Variants in AHNAK2 observed in about 807,000 individuals in gnomAD.
AHNAK2 encodes AHNAK nucleoprotein 2, also known as protein AHNAK2.
In AHNAK2, 18 loss-of-function variants were observed where a neutral mutation model predicts 30.7. The ratio of observed to expected loss-of-function variants is 0.59; its 90% CI spans 0.41 to 0.87. The LOEUF (loss-of-function observed/expected upper bound fraction) is 0.87. AHNAK2 is among the 40% of genes least tolerant of loss of function. The pLI, the probability that AHNAK2 is intolerant of heterozygous loss-of-function variation, is 0.00. For synonymous variants in AHNAK2, 3,590 were observed against 3,073.8 expected, an observed-to-expected ratio of 1.17 and a Z score of -5.56; for missense variants, 8,604 against 7,373.0, an observed-to-expected ratio of 1.17 and a Z score of -6.11.
At chr14:104,963,178 AAAG>A (rs896431917) in intron 1 of AHNAK2, among the ~76,000 whole-genome samples, 3 of 152,252 alleles carry the variant, frequency 2.0e-5, no homozygotes, top group South Asian at 2.1e-4. Context: ...ACATTTCACA[AAAG>A]AAGATGTACG....
intron 1 of AHNAK2, among the ~76,000 whole-genome samples, chr14:104,967,264 G>A (rs1472309393): frequency 6.6e-6 from 1 of 152,126 alleles, no homozygotes; most frequent in East Asian, 1.9e-4. Context: ...TGGGGGTGGG[G>A]GGCAGCTGCT....
chr14:104,950,338 C>G lies in AHNAK2; in HGVS notation c.5113G>C (p.Asp1705His), dbSNP rs61428154. 0.01 allele frequency: 16,364 copies of G among 1,585,246 alleles called. 2,369 individuals carry two copies. In the East Asian group the frequency reaches 0.13, roughly 13 times the overall value. ...GCGGAAGGGGACTGAATGCTGAGGT[C>G]AGTGGTCTTCAGGTCCCCCTGCATG... The part of the protein sequence containing the change: ...PSMQGDLKTT[D>H]LSIQSPSADL... Residue 1705 changes from aspartate to histidine, a missense_variant, in exon 7 of 7, where the codon GAC becomes CAC. Coordinates refer to ENST00000333244, the MANE Select transcript of AHNAK2 (RefSeq NM_138420.4).
intron 1 of AHNAK2, among the ~76,000 whole-genome samples, chr14:104,974,304 C>T (rs568844951): frequency 6.6e-6 from 1 of 152,364 alleles, no homozygotes; most frequent in Non-Finnish European, 1.5e-5. Flanking sequence ...ACATCCCCCA[C>T]GGAGCAGCTT....
At position 104,952,911 on chromosome 14, in the gene AHNAK2, G is replaced by A. The variant is rs773401247; in HGVS notation, c.2540C>T (p.Ala847Val). The stretch of plus-strand genomic sequence containing the variant: ...CGAGTCCTCCATGGACTTGCCTGGG[G>A]CCGACACCCCGAATGATGGCATCTT... ...KFKMPSFGVS[A>V]PGKSMEDSVD... The change falls in exon 7 of 7, where the codon GCC becomes GTC. Residue 847 changes from alanine (A) to valine (V), a missense_variant. By Grantham distance (64) the Ala-to-Val change is moderately conservative. Coordinates refer to ENST00000333244, the MANE Select transcript of AHNAK2 (RefSeq NM_138420.4). 27 of 1,611,824 alleles carry A rather than the reference G, an allele frequency of 1.7e-5. No homozygotes were observed. In the South Asian group the frequency reaches 2.6e-4, roughly 16 times the overall value.
intron 1 of AHNAK2, among the ~76,000 whole-genome samples, chr14:104,973,458 C>T (rs1029743322): frequency 3.9e-5 from 6 of 152,186 alleles, no homozygotes; most frequent in South Asian, 2.1e-4. Context: ...GGGCGAGGAC[C>T]GAAGGCTGTG....
In AHNAK2 at chr14:104,951,796, C is replaced by G. The variant is rs765166700; in HGVS notation, c.3655G>C (p.Asp1219His). The change falls in exon 7 of 7, where the codon GAC becomes CAC. Residue 1219 changes from aspartate (D) to histidine (H), a missense_variant. Coordinates refer to ENST00000333244, the MANE Select transcript of AHNAK2 (RefSeq NM_138420.4). ...ACCTGGCCAGCGTGGACCTCCAGGTCAGCGGAAGGGGGCTGAATGCTGAGG... is the reference window on the plus strand; with the variant it reads ...ACCTGGCCAGCGTGGACCTCCAGGTGAGCGGAAGGGGGCTGAATGCTGAGG... ...TDLSIQPPSADLEVHAGQVDV... is the reference protein window; with the variant it reads ...TDLSIQPPSAHLEVHAGQVDV... 1 of 1,354,054 alleles carries G rather than the reference C, an allele frequency of 7.4e-7. No homozygotes were observed. Among genetic ancestry groups the G allele is most frequent in the Non-Finnish European group, 1.0e-6 (1 of 956,520 alleles). 83.9% of individuals were successfully genotyped at this position (1,354,054 alleles called of 1,614,324 possible).
Position 104,946,574 on chromosome 14 carries a change from C to T in AHNAK2, c.8877G>A (p.Arg2959=). ...CGGCCAGGGACAGGTCACCCTCCAGCCGTGCACCATCCAGCTTTGCTCTCG... is the reference window on the plus strand; with the variant it reads ...CGGCCAGGGACAGGTCACCCTCCAGTCGTGCACCATCCAGCTTTGCTCTCG... The part of the protein sequence containing the change: ...EAPRAKLDGA[R]LEGDLSLADK... The change falls in exon 7 of 7, where the codon CGG becomes CGA. Residue 2959 remains arginine, a synonymous_variant. Coordinates refer to ENST00000333244, the MANE Select transcript of AHNAK2 (RefSeq NM_138420.4). 6.2e-7 allele frequency: 1 copy of T among 1,613,118 alleles called. No individual in the cohort carries two copies.
chr14:104,946,590 T>C lies in AHNAK2; in HGVS notation c.8861A>G (p.Lys2954Arg). The stretch of plus-strand genomic sequence containing the variant: ...ACCCTCCAGCCGTGCACCATCCAGC[T>C]TTGCTCTCGGGGCCTCGACGTCCAC... ...VEVDVEAPRAKLDGARLEGDL... is the reference protein window; with the variant it reads ...VEVDVEAPRARLDGARLEGDL... The change falls in exon 7 of 7, where the codon AAG (lysine) becomes AGG (arginine). Residue 2954 changes from lysine to arginine, a missense_variant. Transcript: ENST00000333244. 6.2e-7 allele frequency: 1 copy of C among 1,612,932 alleles called. No individual in the cohort carries two copies. Among genetic ancestry groups the C allele is most frequent in the Non-Finnish European group, 8.5e-7 (1 of 1,179,692 alleles).
intron 1 of AHNAK2, among the ~76,000 whole-genome samples, chr14:104,959,593 C>G (rs1483503458): frequency 6.6e-6 from 1 of 152,122 alleles, no homozygotes; most frequent in African/African-American, 2.4e-5. Flanking sequence ...GCTGTGATTG[C>G]ACCACTTCAC....
At chr14:104,972,095 C>G (rs1324199614) in intron 1 of AHNAK2, among the ~76,000 whole-genome samples, 2 of 152,202 alleles carry the variant, frequency 1.3e-5, no homozygotes, top group South Asian at 2.1e-4. Context: ...AGGGAAGGCT[C>G]TGTCCCAGCC....
In AHNAK2 at chr14:104,943,729, T is replaced by A. The variant is rs1272383316; in HGVS notation, c.11722A>T (p.Ile3908Phe). The A allele has an allele frequency of 1.2e-6, 2 of 1,611,428 alleles. No homozygotes were observed. The highest frequency in any genetic ancestry group is 2.7e-5 in the African/African-American group (2 of 74,188). ...KVDLKGPEID[I>F]KGPKLDLKDP... ...TTTAGGTCCAGCTTGGGGCCCTTGA[T>A]GTCTATTTCAGGGCCCTTGAGGTCG... Residue 3908 changes from isoleucine to phenylalanine, a missense_variant, in exon 7 of 7, where the codon ATC (isoleucine) becomes TTC (phenylalanine). Physicochemically the swap from Ile to Phe is conservative, Grantham distance 21. Transcript: ENST00000333244.
At chr14:104,959,224 G>A (rs966147752) in intron 1 of AHNAK2, among the ~76,000 whole-genome samples, 1 of 152,154 alleles carries the variant, frequency 6.6e-6, no homozygotes, top group Non-Finnish European at 1.5e-5. Flanking sequence ...CCAGGATGAA[G>A]TGCAGTGGCA....
chr14:104,938,782 G>A lies in AHNAK2; in HGVS notation c.16669C>T (p.Pro5557Ser). ...GTEEAPIQATPGVDSISGDLQ... is the reference protein window; with the variant it reads ...GTEEAPIQATSGVDSISGDLQ... ...TCTCCAGAAATGGAGTCTACTCCTG[G>A]GGTGGCTTGTATGGGAGCCTCTTCT... Residue 5557 changes from proline (P) to serine (S), a missense_variant, in exon 7 of 7, where the codon CCA becomes TCA. Pro to Ser is a moderately conservative substitution (Grantham distance 74). Transcript: ENST00000333244. 6.2e-7 allele frequency: 1 copy of A among 1,613,936 alleles called. No homozygotes were observed. The highest frequency in any genetic ancestry group is 8.5e-7 in the Non-Finnish European group (1 of 1,179,894).
rs529616676 is a variant in AHNAK2, at chr14:104,951,797, A to C, written c.3654T>G (p.Ala1218=). ...CCTGGCCAGCGTGGACCTCCAGGTC[A>C]GCGGAAGGGGGCTGAATGCTGAGGT... ...TTDLSIQPPS[A]DLEVHAGQVD... Residue 1218 remains alanine (A), a synonymous_variant, in exon 7 of 7, where the codon GCT becomes GCG. Coordinates refer to ENST00000333244, the MANE Select transcript of AHNAK2 (RefSeq NM_138420.4). The C allele has an allele frequency of 7.5e-7, 1 of 1,324,568 alleles. No individual in the cohort carries two copies. The highest frequency in any genetic ancestry group is 2.4e-5 in the East Asian group (1 of 42,514). 82.1% of individuals were successfully genotyped at this position (1,324,568 alleles called of 1,614,324 possible). A position where few individuals can be genotyped will look rare whatever the true frequency, so the allele number is the denominator to read the frequency against.
At position 104,947,744 on chromosome 14, in the gene AHNAK2, C is replaced by T. The variant is rs1332674727; in HGVS notation, c.7707G>A (p.Val2569=). The T allele has an allele frequency of 6.2e-7, 1 of 1,612,592 alleles. No homozygotes were observed. Among genetic ancestry groups the T allele is most frequent in the Non-Finnish European group, 8.5e-7 (1 of 1,179,612 alleles). Residue 2569 remains valine, a synonymous_variant, in exon 7 of 7, where the codon GTG becomes GTA. Transcript: ENST00000333244. ...CAGGCATCTTGAAACTGGGCATCTGCACCTTGGGCAGGTGCCCTTTGAGGC... is the reference window on the plus strand; with the variant it reads ...CAGGCATCTTGAAACTGGGCATCTGTACCTTGGGCAGGTGCCCTTTGAGGC... ...GAGLKGHLPK[V]QMPSFKMPEM...
In AHNAK2 at chr14:104,954,298, G is replaced by T. The variant is rs1188646569; in HGVS notation, c.1153C>A (p.Arg385=). Reference sequence around the variant, plus strand: ...ATGCTCTGAGCAGGCATCACTTCTCGATCCTGTTCTGCCCTCTCCTCTCTC... The same window carrying T: ...ATGCTCTGAGCAGGCATCACTTCTCTATCCTGTTCTGCCCTCTCCTCTCTC... ...SRREERAEQD[R]EVMPAQSMPL... Residue 385 remains arginine (R), a synonymous_variant, in exon 7 of 7, where the codon CGA becomes AGA. Transcript: ENST00000333244. This position sits in a 1 kb window ranked among gnomAD's most constrained non-coding sequence, Gnocchi z 4.3. 3.7e-6 allele frequency: 6 copies of T among 1,613,474 alleles called. No individual in the cohort carries two copies. The highest frequency in any genetic ancestry group is 1.1e-5 in the South Asian group (1 of 91,078).
chr14:104,978,245 G>T lies in AHNAK2; in HGVS notation c.-8C>A. On this transcript the variant is annotated 5_prime_UTR_variant, in exon 1 of 7. Transcript: ENST00000333244. ...GTGGAAGCAGTCGCACATCGCGGCGGCCAGGCGGTGCGGGCCTGGCGGCCC... is the reference window on the plus strand; with the variant it reads ...GTGGAAGCAGTCGCACATCGCGGCGTCCAGGCGGTGCGGGCCTGGCGGCCC... The T allele has an allele frequency of 2.5e-6, 3 of 1,191,846 alleles. No individual in the cohort carries two copies. The highest frequency in any genetic ancestry group is 2.1e-6 in the Non-Finnish European group (2 of 962,452). 73.8% of individuals were successfully genotyped at this position (1,191,846 alleles called of 1,614,324 possible). A position where few individuals can be genotyped will look rare whatever the true frequency, so the allele number is the denominator to read the frequency against.
chr14:104,972,845 C>A (rs967843090), intron 1 of AHNAK2, among the ~76,000 whole-genome samples: 1 of 152,258 alleles, frequency 6.6e-6, no homozygotes, highest in East Asian at 1.9e-4. Flanking sequence ...GGCTCCAGAG[C>A]CCCTGGCGGT....
chr14:104,960,936 A>G (rs1899116795), intron 1 of AHNAK2, among the ~76,000 whole-genome samples: 1 of 151,052 alleles, frequency 6.6e-6, no homozygotes. Context: ...GTTTGAGACC[A>G]GCCTGGCCAA....
Sources: gnomAD v4.1 joint callset for allele counts (sites outside exome capture counted in the v4.1 genomes callset) on GRCh38, gnomAD v4.1.1 for gene constraint, Gnocchi (gnomAD v3.1) non-coding constraint, MANE v1.5 for transcripts, NCBI Gene and HGNC (gene_info 2026-07-23, HGNC 2026-07-21) for gene names.